The following ZMIZ1 variants were observed in gnomAD, a reference collection of about 807,000 sequenced individuals.
ZMIZ1 encodes the protein zinc finger MIZ domain-containing protein 1.
In ZMIZ1, 17 loss-of-function variants were observed where a neutral mutation model predicts 113.9. That is an observed-to-expected ratio of 0.15 (90% CI 0.10 to 0.22). The LOEUF (loss-of-function observed/expected upper bound fraction) is 0.22. ZMIZ1 is among the 10% of genes least tolerant of loss of function. ZMIZ1 has a pLI of 1.00. For synonymous variants in ZMIZ1, 607 were observed against 603.1 expected (o/e 1.01, Z -0.09); for missense variants, 1,059 against 1,477.8 (o/e 0.72, Z 4.65).
intron 8 of ZMIZ1, among the ~76,000 whole-genome samples, chr10:79,278,259 GC>G (rs1589548436): frequency 1.3e-5 from 2 of 152,180 alleles, no homozygotes; most frequent in African/African-American, 4.8e-5. Flanking sequence ...TTGGTCATAA[GC>G]CCTTTGTACC....
chr10:79,223,849 T>C (rs955224798), intron 7 of ZMIZ1, among the ~76,000 whole-genome samples: 1 of 152,278 alleles, frequency 6.6e-6, no homozygotes, highest in Middle Eastern at 3.4e-3. Flanking sequence ...CCCTGAGGGA[T>C]GAGGCCTGAG....
At chr10:79,142,480 C>G (rs893486997) in intron 3 of ZMIZ1, among the ~76,000 whole-genome samples, 3 of 152,140 alleles carry the variant, frequency 2.0e-5, no homozygotes, top group African/African-American at 7.2e-5. Context: ...GAACAGAAAG[C>G]AGGCTCTGAG....
At chr10:79,279,051 G>A (rs986950792) in intron 8 of ZMIZ1, among the ~76,000 whole-genome samples, 10 of 149,380 alleles carry the variant, frequency 6.7e-5, no homozygotes, top group South Asian at 2.1e-4. Flanking sequence ...ACGGGGCGGC[G>A]GCCGGGCGGG....
chr10:79,101,816 AACAC>A (rs1221658010), intron 1 of ZMIZ1, among the ~76,000 whole-genome samples: 1 of 152,158 alleles, frequency 6.6e-6, no homozygotes, highest in East Asian at 1.9e-4. Flanking sequence ...CCCGACCATA[AACAC>A]ACACACTGAG....
chr10:79,166,003 G>GTGTGTGTGT lies in ZMIZ1; in HGVS notation c.-50+3870_-50+3871insTGTGTGTGT, dbSNP rs1309575802. ...GTGTGTGTGTGTGTGTGTGTGTGTGGGCTCTCCCTGCAGGGTGGGGCAGTG... is the reference window on the plus strand; with the variant it reads ...GTGTGTGTGTGTGTGTGTGTGTGTGGTGTGTGTGTGCTCTCCCTGCAGGGTGGGGCAGTG... On this transcript the variant is annotated intron_variant, in intron 4 of 24. Transcript: ENST00000334512. Among the ~76,000 whole-genome samples, 122 of 44,502 alleles carry GTGTGTGTGT rather than the reference G, an allele frequency of 2.7e-3. 3 individuals carry two copies. The highest frequency in any genetic ancestry group is 0.013 in the African/African-American group (115 of 8,658). 29.2% of individuals were successfully genotyped at this position (44,502 alleles called of 152,430 possible). A position where few individuals can be genotyped will look rare whatever the true frequency, so the allele number is the denominator to read the frequency against.
chr10:79,304,306 G>T, intron 19 of ZMIZ1, 131 bp downstream of exon 19: 1 of 1,226,008 alleles, frequency 8.2e-7, no homozygotes, highest in Non-Finnish European at 1.1e-6. Flanking sequence ...TCAGCAGCTG[G>T]CGTCACTCAT....
At chr10:79,178,114 C>T (rs115969173) in intron 4 of ZMIZ1, among the ~76,000 whole-genome samples, 10 of 152,170 alleles carry the variant, frequency 6.6e-5, no homozygotes, top group African/African-American at 2.4e-4. Context: ...AGATGCCCCC[C>T]ACCCTGCAGC....
intron 1 of ZMIZ1, among the ~76,000 whole-genome samples, chr10:79,104,330 C>A (rs181712882): frequency 7.6e-4 from 116 of 152,228 alleles, no homozygotes; most frequent in Middle Eastern, 3.4e-3. Flanking sequence ...AGTATAGAGT[C>A]CGCGTGCATA....
At chr10:79,294,917 AT>A (rs1217723143) in intron 12 of ZMIZ1, 1 of 98,196 alleles carries the variant, frequency 1.0e-5, no homozygotes, top group Non-Finnish European at 2.0e-5. Context: ...AAGTGGAGGT[AT>A]TCTGAGTTCA....
chr10:79,287,347 C>CCAAG (rs1853151524), intron 8 of ZMIZ1, among the ~76,000 whole-genome samples: 1 of 152,234 alleles, frequency 6.6e-6, no homozygotes, highest in Non-Finnish European at 1.5e-5. Context: ...CACCTTTGGC[C>CCAAG]CAAGCATCTG....
At chr10:79,173,017 A>G (rs753598755) in intron 4 of ZMIZ1, among the ~76,000 whole-genome samples, 4 of 152,188 alleles carry the variant, frequency 2.6e-5, no homozygotes, top group Non-Finnish European at 5.9e-5. Flanking sequence ...CAGGAATTAA[A>G]GGCACTTAAT....
chr10:79,251,093 T>G (rs1250600), intron 7 of ZMIZ1, among the ~76,000 whole-genome samples: 99,258 of 151,944 alleles, frequency 0.65, 32,720 homozygotes, highest in East Asian at 0.8. Context: ...CTGCACTGAA[T>G]TGGGGGTTTC....
In ZMIZ1 at chr10:79,261,199, C is replaced by T. The variant is rs548077899; in HGVS notation, c.281-15982C>T. Among the ~76,000 whole-genome samples, 20 of 152,326 alleles carry T rather than the reference C, an allele frequency of 1.3e-4. No homozygotes were observed. In the South Asian group the frequency reaches 3.5e-3, roughly 27 times the overall value. ...CCGCCGGGTGGTCGGGTTTTTGACC[C>T]GGCCGGCCCCTCAGAGGCCCATCCA... is the stretch of plus-strand genomic sequence containing the variant. On this transcript the variant is annotated intron_variant, in intron 7 of 24. Transcript: ENST00000334512.
At chr10:79,247,449 A>AC (rs1195137002) in intron 7 of ZMIZ1, among the ~76,000 whole-genome samples, 1 of 151,968 alleles carries the variant, frequency 6.6e-6, no homozygotes, top group Non-Finnish European at 1.5e-5. Context: ...GGGCGTGAGG[A>AC]CCCCTGGGTG....
intron 16 of ZMIZ1, among the ~76,000 whole-genome samples, chr10:79,300,520 T>G (rs1854221396): frequency 6.6e-6 from 1 of 150,574 alleles, no homozygotes; most frequent in South Asian, 2.1e-4. Context: ...ATGATTGGTG[T>G]GCGGGGGTCT....
chr10:79,222,473 G>A (rs1190281271), intron 7 of ZMIZ1, among the ~76,000 whole-genome samples: 4 of 152,172 alleles, frequency 2.6e-5, no homozygotes, highest in African/African-American at 7.2e-5. Flanking sequence ...GCAGCAGCCC[G>A]AGTCCTGGGT....
At chr10:79,251,326 T>G (rs1850544449) in intron 7 of ZMIZ1, among the ~76,000 whole-genome samples, 1 of 152,128 alleles carries the variant, frequency 6.6e-6, no homozygotes. Flanking sequence ...ATTAAAGAGC[T>G]CATTCCAGCC....
chr10:79,127,843 T>C (rs1476001332), intron 2 of ZMIZ1, among the ~76,000 whole-genome samples: 1 of 152,178 alleles, frequency 6.6e-6, no homozygotes, highest in African/African-American at 2.4e-5. Context: ...GGGCTGCCAG[T>C]GGCGCTGACA....
chr10:79,073,097 C>G (rs571275197), intron 1 of ZMIZ1, among the ~76,000 whole-genome samples: 1 of 152,136 alleles, frequency 6.6e-6, no homozygotes, highest in Non-Finnish European at 1.5e-5. Flanking sequence ...TCCCTATTAC[C>G]GGAGGAGATG....
Sources: gnomAD v4.1 joint callset for allele counts (sites outside exome capture counted in the v4.1 genomes callset) on GRCh38, gnomAD v4.1.1 for gene constraint, MANE v1.5 for transcripts, NCBI Gene and HGNC (gene_info 2026-07-23, HGNC 2026-07-21) for gene names.